Variants in PCBP3 observed in about 807,000 individuals in gnomAD.
PCBP3 encodes the protein poly(rC) binding protein 3.
In PCBP3, 25 loss-of-function variants were observed where a neutral mutation model predicts 52.7. That is an observed-to-expected ratio of 0.47 (90% CI 0.35 to 0.66). The LOEUF is 0.66. Ranked by LOEUF, PCBP3 falls within the 30% of genes least tolerant of loss-of-function variation. PCBP3 has a pLI of 0.01. For missense variants in PCBP3, 391 were observed against 490.3 expected (o/e 0.80, Z 1.91); for synonymous variants, 162 against 183.0 (o/e 0.89, Z 0.93).
At chr21:45,765,027 G>C (rs1384105519) in intron 4 of PCBP3, among the ~76,000 whole-genome samples, 2 of 152,228 alleles carry the variant, frequency 1.3e-5, no homozygotes, top group African/African-American at 4.8e-5. Context: ...ACTTGCTGCT[G>C]TCCATGTGTG....
intron 4 of PCBP3, among the ~76,000 whole-genome samples, chr21:45,790,013 G>A (rs1250693852): frequency 3.9e-5 from 6 of 152,160 alleles, no homozygotes; most frequent in Admixed American, 1.3e-4. Flanking sequence ...GGTGGCGTGC[G>A]CCTGTAATCC....
At chr21:45,718,562 A>T (rs906735660) in intron 2 of PCBP3, among the ~76,000 whole-genome samples, 4 of 151,862 alleles carry the variant, frequency 2.6e-5, no homozygotes, top group African/African-American at 9.7e-5. Context: ...CAAGGCTTGG[A>T]TGCAGCTCGG....
intron 4 of PCBP3, among the ~76,000 whole-genome samples, chr21:45,793,143 G>A (rs1309982339): frequency 6.6e-6 from 1 of 152,192 alleles, no homozygotes; most frequent in African/African-American, 2.4e-5. Context: ...AAGACGTGGG[G>A]CCGCCTTCCG....
intron 4 of PCBP3, among the ~76,000 whole-genome samples, chr21:45,840,477 G>A (rs1222366263): frequency 2.8e-5 from 4 of 141,624 alleles, no homozygotes; most frequent in African/African-American, 1.1e-4. Context: ...AAAAAAAAAA[G>A]TTACAGTAAA....
intron 4 of PCBP3, among the ~76,000 whole-genome samples, chr21:45,815,329 GATGA>G (rs1454958078): frequency 7.0e-5 from 3 of 42,798 alleles, no homozygotes; most frequent in Admixed American, 1.7e-4. Flanking sequence ...GTGAGTGAGT[GATGA>G]GTGAGTGGTG....
intron 4 of PCBP3, among the ~76,000 whole-genome samples, chr21:45,797,441 A>G (rs76515378): frequency 7.8e-5 from 2 of 25,710 alleles, no homozygotes; most frequent in African/African-American, 1.4e-4. Context: ...GAGTGCATGG[A>G]TCCACAGAGA....
intron 2 of PCBP3, among the ~76,000 whole-genome samples, chr21:45,709,554 T>A (rs1310528652): frequency 7.1e-6 from 1 of 141,476 alleles, no homozygotes; most frequent in African/African-American, 3.0e-5. Context: ...GACGGGGACC[T>A]TTTTTTTTTC....
chr21:45,844,470 GC>G (rs2093763672), intron 4 of PCBP3, among the ~76,000 whole-genome samples: 2 of 152,120 alleles, frequency 1.3e-5, no homozygotes, highest in African/African-American at 4.8e-5. Flanking sequence ...CATTGTTGCA[GC>G]CGCAGGACAC....
chr21:45,816,704 ACCT>A (rs1294802724), intron 4 of PCBP3, among the ~76,000 whole-genome samples: 2 of 146,598 alleles, frequency 1.4e-5, no homozygotes, highest in African/African-American at 2.5e-5. Context: ...GCTTCTTGAC[ACCT>A]CCTGAGAGAC....
chr21:45,929,622 C>T (rs530554536), intron 13 of PCBP3, among the ~76,000 whole-genome samples: 7 of 152,358 alleles, frequency 4.6e-5, no homozygotes, highest in Admixed American at 2.0e-4. Flanking sequence ...CTCCTGTCCA[C>T]ACCAGCTGGT....
intron 3 of PCBP3, among the ~76,000 whole-genome samples, chr21:45,738,531 G>A (rs529919648): frequency 1.3e-5 from 2 of 152,202 alleles, no homozygotes; most frequent in Non-Finnish European, 1.5e-5. Flanking sequence ...TGGGATTCCA[G>A]TCGTGAGCCA....
chr21:45,724,875 A>AAC lies in PCBP3; in HGVS notation c.-199-10517_-199-10516insAC, dbSNP rs2084917235. Reference sequence around the variant, plus strand: ...CTCTGTGAGGGAGGCACTGACTCTCAGGAGATGCTGTCATTGGGATACTAC... The same window carrying AAC: ...CTCTGTGAGGGAGGCACTGACTCTCAACGGAGATGCTGTCATTGGGATACTAC... On this transcript the variant is annotated intron_variant, in intron 2 of 17. Transcript: ENST00000681687. This position sits in a 1 kb window ranked among gnomAD's most constrained non-coding sequence, Gnocchi z 5.3. 6.6e-6 allele frequency among the ~76,000 whole-genome samples: 1 copy of AAC among 152,188 alleles called. No individual in the cohort carries two copies. Among genetic ancestry groups the AAC allele is most frequent in the African/African-American group, 2.4e-5 (1 of 41,456 alleles).
At position 45,655,885 on chromosome 21, in the gene PCBP3, T is replaced by TGAAA. The variant is rs1030417673; in HGVS notation, c.-279+12018_-279+12021dup. On this transcript the variant is annotated intron_variant, in intron 1 of 17. Coordinates refer to ENST00000681687, the MANE Select transcript of PCBP3 (RefSeq NM_001384156.1). ...GACATTTATGCAGCCAACAGACACA[T>TGAAA]GAAAAAATGCTCATCATAACTGGTC... 1.9e-4 allele frequency among the ~76,000 whole-genome samples: 29 copies of TGAAA among 151,852 alleles called. 1 individual carries two copies. The highest frequency in any genetic ancestry group is 1.5e-5 in the Non-Finnish European group (1 of 67,984).
chr21:45,791,418 G>A lies in PCBP3; in HGVS notation c.-126+35966G>A, dbSNP rs59398815. Among the ~76,000 whole-genome samples, 25,370 of 151,966 alleles carry A rather than the reference G, an allele frequency of 0.17. 2,242 individuals are homozygous for A. The highest frequency in any genetic ancestry group is 0.31 in the Middle Eastern group (92 of 294). On this transcript the variant is annotated intron_variant, in intron 4 of 17. Coordinates refer to ENST00000681687, the MANE Select transcript of PCBP3 (RefSeq NM_001384156.1). This position sits in a 1 kb window ranked among gnomAD's most constrained non-coding sequence, Gnocchi z 4.2. ...TTCTCCAGTTGTGTGCAGCTCCAGA[G>A]TCTAGGCACGGAATTGACAGAGAGT... is the stretch of plus-strand genomic sequence containing the variant.
chr21:45,739,583 G>C (rs2086236349), intron 3 of PCBP3, among the ~76,000 whole-genome samples: 1 of 63,782 alleles, frequency 1.6e-5, no homozygotes, highest in African/African-American at 9.7e-5. Context: ...TTGTCCTCTG[G>C]GTGCCCCCCC....
intron 1 of PCBP3, among the ~76,000 whole-genome samples, chr21:45,659,512 G>T (rs1211353855): frequency 1.3e-5 from 2 of 151,662 alleles, no homozygotes; most frequent in Non-Finnish European, 2.9e-5. Context: ...CCTACACCTG[G>T]CTAATTTTTT....
chr21:45,885,286 G>T (rs1444332425), intron 5 of PCBP3, among the ~76,000 whole-genome samples: 3 of 151,998 alleles, frequency 2.0e-5, no homozygotes, highest in Non-Finnish European at 4.4e-5. Flanking sequence ...TGTAGCATGG[G>T]GTCATGTCCC....
chr21:45,907,926 T>C (rs2096249301), intron 9 of PCBP3, among the ~76,000 whole-genome samples: 1 of 152,016 alleles, frequency 6.6e-6, no homozygotes, highest in African/African-American at 2.4e-5. Context: ...GGGTCTGGTT[T>C]GTTGCCGACG....
intron 4 of PCBP3, among the ~76,000 whole-genome samples, chr21:45,844,711 C>T (rs1442645957): frequency 1.3e-5 from 2 of 152,000 alleles, no homozygotes; most frequent in East Asian, 1.9e-4. Context: ...AAAGTGGCAA[C>T]GTTAGGGTCC....
Sources: gnomAD v4.1 joint callset for allele counts (sites outside exome capture counted in the v4.1 genomes callset) on GRCh38, gnomAD v4.1.1 for gene constraint, Gnocchi (gnomAD v3.1) non-coding constraint, MANE v1.5 for transcripts, NCBI Gene and HGNC (gene_info 2026-07-23, HGNC 2026-07-21) for gene names.